ANKS6: variants seen among roughly 807,000 people sequenced by gnomAD.
The protein encoded by ANKS6 is ankyrin repeat and SAM domain-containing protein 6.
ANKS6 carries 47 observed loss-of-function variants against 77.9 expected under a neutral mutation model. The ratio of observed to expected loss-of-function variants is 0.60; its 90% CI spans 0.48 to 0.77. The LOEUF (loss-of-function observed/expected upper bound fraction) is 0.77, where lower values mean the gene tolerates loss of function less well. Ranked by LOEUF, ANKS6 falls within the 30% of genes least tolerant of loss-of-function variation. ANKS6 has a pLI of 0.00. For missense variants in ANKS6, 1,150 were observed against 1,159.1 expected (o/e 0.99, Z 0.11); for synonymous variants, 488 against 501.7 (o/e 0.97, Z 0.37).
At position 98,755,601 on chromosome 9, in the gene ANKS6, C is replaced by T. The variant is rs145271426; in HGVS notation, c.2326+819G>A. On this transcript the variant is annotated intron_variant, in intron 12 of 14. Coordinates refer to ENST00000353234, the MANE Select transcript of ANKS6 (RefSeq NM_173551.5). ...GCAGACATCAACTGCTTTTGCTTGC[C>T]CTCACCCATCCCCCTTCTCCTGGAA... 3.5e-3 allele frequency among the ~76,000 whole-genome samples: 534 copies of T among 152,314 alleles called. 3 individuals carry two copies. The highest frequency in any genetic ancestry group is 0.012 in the African/African-American group (503 of 41,562).
At chr9:98,740,668 A>T (rs1831778044) in intron 14 of ANKS6, among the ~76,000 whole-genome samples, 1 of 152,220 alleles carries the variant, frequency 6.6e-6, no homozygotes, top group Non-Finnish European at 1.5e-5. Context: ...TAACCTTAGG[A>T]GGGAGCTGTA....
chr9:98,748,994 G>A (rs1461974767), intron 13 of ANKS6, among the ~76,000 whole-genome samples: 1 of 152,064 alleles, frequency 6.6e-6, no homozygotes. Flanking sequence ...CTTTTGCAAG[G>A]GACTGAGAAG....
In ANKS6 at chr9:98,752,972, AC is replaced by A. The variant is rs534108476; in HGVS notation, c.2327-1877del. On this transcript the variant is annotated intron_variant, in intron 12 of 14. Coordinates refer to ENST00000353234, the MANE Select transcript of ANKS6 (RefSeq NM_173551.5). ...CACATAATCTGTTGTATTTCATGAC[AC>A]CAAACCTTTGCTCCTGCTGTTCCCT... 5.9e-5 allele frequency among the ~76,000 whole-genome samples: 9 copies of A among 152,046 alleles called. No individual in the cohort carries two copies. In the South Asian group the frequency reaches 1.9e-3, roughly 32 times the overall value.
chr9:98,793,028 G>T (rs1054806288), intron 1 of ANKS6, among the ~76,000 whole-genome samples: 2 of 152,224 alleles, frequency 1.3e-5, no homozygotes, highest in African/African-American at 2.4e-5. Flanking sequence ...GGGGCTTTCT[G>T]AACAGGTGCT....
At chr9:98,766,060 C>CA (rs1833264616) in intron 11 of ANKS6, among the ~76,000 whole-genome samples, 1 of 152,142 alleles carries the variant, frequency 6.6e-6, no homozygotes, top group African/African-American at 2.4e-5. Context: ...CTCCCGAGAG[C>CA]CTCATTCAGG....
At position 98,733,597 on chromosome 9, in the gene ANKS6, G is replaced by A. The variant is rs565450141; in HGVS notation, c.*2922C>T. ...TGGTTGCCGCTGTTCCAGAAAAAGC[G>A]GGGCTTCTCCAATGGTGTCCAAGGA... is the stretch of plus-strand genomic sequence containing the variant. On this transcript the variant is annotated 3_prime_UTR_variant, in exon 15 of 15. Coordinates refer to ENST00000353234, the MANE Select transcript of ANKS6 (RefSeq NM_173551.5). 5.8e-5 allele frequency: 57 copies of A among 985,348 alleles called. No homozygotes were observed. Among genetic ancestry groups the A allele is most frequent in the Non-Finnish European group, 6.6e-5 (55 of 829,960 alleles). 61.0% of individuals were successfully genotyped at this position (985,348 alleles called of 1,614,324 possible). A position where few individuals can be genotyped will look rare whatever the true frequency, so the allele number is the denominator to read the frequency against.
rs1157934354 is a variant in ANKS6, at chr9:98,734,086, C to CG, written c.*2432dup. ...TCCGTGCTGCCTCCACACATGCCCCCGCTGGGGTGCCCTTTCTCTTCCCTG... is the reference window on the plus strand; with the variant it reads ...TCCGTGCTGCCTCCACACATGCCCCCGGCTGGGGTGCCCTTTCTCTTCCCTG... On this transcript the variant is annotated 3_prime_UTR_variant, in exon 15 of 15. Transcript: ENST00000353234. 1.0e-6 allele frequency: 1 copy of CG among 985,342 alleles called. No individual in the cohort carries two copies. Among genetic ancestry groups the CG allele is most frequent in the African/African-American group, 1.7e-5 (1 of 57,220 alleles). The allele number at this position is 985,342 out of a possible 1,614,324, so 61.0% of individuals were successfully genotyped here.
chr9:98,774,145 T>A (rs559750739), intron 8 of ANKS6, 65 bp from the exon 9 acceptor site: 1 of 1,303,126 alleles, frequency 7.7e-7, no homozygotes, highest in East Asian at 2.8e-5. Flanking sequence ...CAGGAAAGAC[T>A]CCATGTTTTT....
intron 11 of ANKS6, among the ~76,000 whole-genome samples, chr9:98,765,576 T>C (rs755792660): frequency 6.6e-6 from 1 of 152,148 alleles, no homozygotes; most frequent in Non-Finnish European, 1.5e-5. Context: ...ACTGCCCACA[T>C]AAGTCCAGAT....
At chr9:98,737,120 C>T (rs573747984) in intron 14 of ANKS6, among the ~76,000 whole-genome samples, 2 of 152,178 alleles carry the variant, frequency 1.3e-5, no homozygotes, top group African/African-American at 4.8e-5. Flanking sequence ...ACAACGCCCC[C>T]TGCCCCCTAT....
chr9:98,752,347 G>A (rs776439776), intron 12 of ANKS6, among the ~76,000 whole-genome samples: 1 of 152,216 alleles, frequency 6.6e-6, no homozygotes, highest in Non-Finnish European at 1.5e-5. Context: ...GGCAGTGCAT[G>A]CAGCTTAAAG....
rs769349601 is a variant in ANKS6 at position 98,790,417 on chromosome 9, G to A, written c.549C>T (p.Gly183=). The A allele has an allele frequency of 1.1e-5, 18 of 1,613,590 alleles. No homozygotes were observed. The highest frequency in any genetic ancestry group is 1.0e-4 in the Admixed American group (6 of 59,994). The change falls in exon 2 of 15, where the codon GGC becomes GGT. Residue 183 remains glycine, a synonymous_variant. Transcript: ENST00000353234. ...HHPSGEQLGL[G]GSRDEPLDIT... ...TGTCCAAGGGCTCATCCCTGCTGCCGCCCAACCCCAGTTGCTCGCCTGAAG... is the reference window on the plus strand; with the variant it reads ...TGTCCAAGGGCTCATCCCTGCTGCCACCCAACCCCAGTTGCTCGCCTGAAG...
In ANKS6 at chr9:98,732,613, G is replaced by A; in HGVS notation, c.*3906C>T. On this transcript the variant is annotated 3_prime_UTR_variant, in exon 15 of 15. Coordinates refer to ENST00000353234, the MANE Select transcript of ANKS6 (RefSeq NM_173551.5). ...ATGAGAGATGAAAGGATTTAAAATG[G>A]GCAACCATCTTTGAGGTTTCCCACA... 1 of 1,549,698 alleles carries A rather than the reference G, an allele frequency of 6.5e-7. No homozygotes were observed. The highest frequency in any genetic ancestry group is 1.2e-5 in the South Asian group (1 of 84,014).
chr9:98,760,082 A>C (rs1832930012), intron 11 of ANKS6, among the ~76,000 whole-genome samples: 1 of 152,336 alleles, frequency 6.6e-6, no homozygotes, highest in South Asian at 2.1e-4. Context: ...ATCACTATGT[A>C]CCCCCTAAAT....
chr9:98,764,655 G>A (rs1249388484), intron 11 of ANKS6, among the ~76,000 whole-genome samples: 2 of 152,150 alleles, frequency 1.3e-5, no homozygotes, highest in African/African-American at 2.4e-5. Context: ...AGTCTACTGA[G>A]GTGCCTGTCA....
At chr9:98,765,746 G>A (rs1488924712) in intron 11 of ANKS6, among the ~76,000 whole-genome samples, 1 of 152,170 alleles carries the variant, frequency 6.6e-6, no homozygotes, top group Admixed American at 6.5e-5. Flanking sequence ...CCTATGCTGT[G>A]TCTCTTGGAA....
At position 98,736,399 on chromosome 9, in the gene ANKS6, G is replaced by T; in HGVS notation, c.*120C>A. The T allele has an allele frequency of 7.0e-7, 1 of 1,437,826 alleles. No individual in the cohort carries two copies. The highest frequency in any genetic ancestry group is 1.5e-5 in the South Asian group (1 of 66,836). The allele number at this position is 1,437,826 out of a possible 1,614,324, so 89.1% of individuals were successfully genotyped here. ...GCCGTCGACGTGAAGTGGGCATCCC[G>T]AGCAAAGGGAACAACATGACTAAGG... On this transcript the variant is annotated 3_prime_UTR_variant, in exon 15 of 15. Coordinates refer to ENST00000353234, the MANE Select transcript of ANKS6 (RefSeq NM_173551.5).
At position 98,756,922 on chromosome 9, in the gene ANKS6, C is replaced by G. The variant is rs1353580476; in HGVS notation, c.2143-319G>C. On this transcript the variant is annotated intron_variant, in intron 11 of 14. Transcript: ENST00000353234. ...CAGCTACTTGCATTGTGGCTTTGGCCAAGCCCCCCGAGCTCTCTGGGCCTC... is the reference window on the plus strand; with the variant it reads ...CAGCTACTTGCATTGTGGCTTTGGCGAAGCCCCCCGAGCTCTCTGGGCCTC... 2.0e-5 allele frequency among the ~76,000 whole-genome samples: 3 copies of G among 151,504 alleles called. No homozygotes were observed. In the East Asian group the frequency reaches 5.9e-4, roughly 30 times the overall value.
intron 11 of ANKS6, among the ~76,000 whole-genome samples, chr9:98,761,181 T>C (rs947160595): frequency 6.6e-6 from 1 of 152,256 alleles, no homozygotes; most frequent in African/African-American, 2.4e-5. Flanking sequence ...TTATATTTTC[T>C]TTGATGAAGT....
Sources: gnomAD v4.1 joint callset for allele counts (sites outside exome capture counted in the v4.1 genomes callset) on GRCh38, gnomAD v4.1.1 for gene constraint, MANE v1.5 for transcripts, NCBI Gene and HGNC (gene_info 2026-07-23, HGNC 2026-07-21) for gene names.